The following LRRC4C variants were observed in gnomAD, a reference collection of about 807,000 sequenced individuals.
LRRC4C encodes leucine rich repeat containing 4C, also known as leucine-rich repeat-containing protein 4C.
A neutral mutation model predicts 33.6 loss-of-function variants in LRRC4C; 5 were observed. The observed-to-expected ratio is 0.15, with a 90% confidence interval of 0.08 to 0.31. The LOEUF (loss-of-function observed/expected upper bound fraction) is 0.31, where lower values mean the gene tolerates loss of function less well. Ranked by LOEUF, LRRC4C falls within the 10% of genes least tolerant of loss-of-function variation. The pLI is 1.00. For synonymous variants in LRRC4C, 329 were observed against 302.0 expected (o/e 1.09, Z -0.93); for missense variants, 560 against 796.7 (o/e 0.70, Z 3.58).
At chr11:41,253,649 C>A (rs962258118) in intron 1 of LRRC4C, among the ~76,000 whole-genome samples, 3 of 152,114 alleles carry the variant, frequency 2.0e-5, no homozygotes, top group Non-Finnish European at 4.4e-5. Flanking sequence ...CCTAATAGCA[C>A]AGTTCCAAAT....
intron 3 of LRRC4C, among the ~76,000 whole-genome samples, chr11:40,509,360 G>T (rs1955191893): frequency 1.3e-5 from 2 of 151,938 alleles, no homozygotes; most frequent in Admixed American, 1.3e-4. Flanking sequence ...AATTTAAATG[G>T]TAAGATCATG....
At chr11:40,439,322 T>C (rs1951285495) in intron 3 of LRRC4C, among the ~76,000 whole-genome samples, 1 of 152,092 alleles carries the variant, frequency 6.6e-6, no homozygotes. Flanking sequence ...GCTCAGAATG[T>C]ATGTGCTGTG....
chr11:40,256,958 A>T (rs1372890443), intron 4 of LRRC4C, among the ~76,000 whole-genome samples: 1 of 152,248 alleles, frequency 6.6e-6, no homozygotes, highest in Non-Finnish European at 1.5e-5. Flanking sequence ...TGTTTCTGCC[A>T]ATCAACTCCT....
chr11:41,176,247 G>A (rs1374146291), intron 1 of LRRC4C, among the ~76,000 whole-genome samples: 1 of 152,056 alleles, frequency 6.6e-6, no homozygotes, highest in Admixed American at 6.6e-5. Flanking sequence ...CATTTTAGTA[G>A]ACTCATGGAA....
intron 1 of LRRC4C, among the ~76,000 whole-genome samples, chr11:41,055,381 G>T (rs1858545475): frequency 6.6e-6 from 1 of 152,104 alleles, no homozygotes; most frequent in East Asian, 1.9e-4. Context: ...TAAACATGGA[G>T]ATTAGTATGG....
At chr11:40,935,504 G>A (rs1301504095) in intron 1 of LRRC4C, among the ~76,000 whole-genome samples, 2 of 151,930 alleles carry the variant, frequency 1.3e-5, no homozygotes, top group East Asian at 3.9e-4. Context: ...TCTATGTTTA[G>A]GTATTTTTAG....
intron 3 of LRRC4C, among the ~76,000 whole-genome samples, chr11:40,530,826 G>T (rs1956242568): frequency 6.6e-6 from 1 of 152,098 alleles, no homozygotes; most frequent in African/African-American, 2.4e-5. Flanking sequence ...AAAGCTTGGA[G>T]AAAGTTTCAT....
chr11:41,396,889 C>T (rs933566595), intron 1 of LRRC4C, among the ~76,000 whole-genome samples: 1 of 152,122 alleles, frequency 6.6e-6, no homozygotes, highest in Non-Finnish European at 1.5e-5. Flanking sequence ...AAGAAACTAT[C>T]AACAGAGTAA....
rs116214423 is a variant in LRRC4C at position 41,333,788 on chromosome 11, A to T, written c.-496+125643T>A. Among the ~76,000 whole-genome samples the T allele has an allele frequency of 6.9e-3, 1,051 of 152,336 alleles. 15 individuals carry two copies. The highest frequency in any genetic ancestry group is 0.024 in the African/African-American group (990 of 41,580). On this transcript the variant is annotated intron_variant, in intron 1 of 6. Transcript: ENST00000528697. ...AAATTTATTTTTACACATCATCATT[A>T]ATCTGCTTTTCTTTGGTTGGTAGCA... is the stretch of plus-strand genomic sequence containing the variant.
intron 1 of LRRC4C, among the ~76,000 whole-genome samples, chr11:41,073,478 G>A (rs1439176859): frequency 6.6e-6 from 1 of 152,050 alleles, no homozygotes; most frequent in African/African-American, 2.4e-5. Flanking sequence ...ACCACACTGG[G>A]GATTAAATTT....
intron 1 of LRRC4C, among the ~76,000 whole-genome samples, chr11:41,245,042 G>A (rs1302103312): frequency 1.3e-5 from 2 of 152,152 alleles, no homozygotes; most frequent in Non-Finnish European, 2.9e-5. Flanking sequence ...CCTAATCAGT[G>A]CATCCTCTCC....
At chr11:40,525,982 G>A (rs1956032030) in intron 3 of LRRC4C, among the ~76,000 whole-genome samples, 1 of 151,994 alleles carries the variant, frequency 6.6e-6, no homozygotes, top group Non-Finnish European at 1.5e-5. Context: ...CAGTACTTCA[G>A]GGAAAGGCTT....
chr11:40,255,315 A>C (rs1168667685), intron 4 of LRRC4C, among the ~76,000 whole-genome samples: 1 of 152,140 alleles, frequency 6.6e-6, no homozygotes, highest in Non-Finnish European at 1.5e-5. Context: ...GGAAACAACA[A>C]AAGCAAAAAC....
At chr11:41,072,489 A>G (rs1375383977) in intron 1 of LRRC4C, among the ~76,000 whole-genome samples, 2 of 151,864 alleles carry the variant, frequency 1.3e-5, no homozygotes, top group Non-Finnish European at 2.9e-5. Context: ...ATGGTTGTTT[A>G]ATAGTCTATA....
rs537855201 is a variant in LRRC4C at position 40,538,989 on chromosome 11, G to GT, written c.-270+109152dup. ...CCTTTGCCCACTTTTTGATGGGGTT[G>GT]TTTTTTTCTTGTAAATTTGTTTGAG... On this transcript the variant is annotated intron_variant, in intron 3 of 6. Coordinates refer to ENST00000528697, the MANE Select transcript of LRRC4C (RefSeq NM_001258419.2). 2.3e-3 allele frequency among the ~76,000 whole-genome samples: 351 copies of GT among 152,114 alleles called. 1 individual carries two copies. Among genetic ancestry groups the GT allele is most frequent in the Non-Finnish European group, 3.9e-3 (262 of 67,986 alleles).
chr11:40,550,161 C>G (rs191807301), intron 3 of LRRC4C, among the ~76,000 whole-genome samples: 1 of 152,210 alleles, frequency 6.6e-6, no homozygotes, highest in African/African-American at 2.4e-5. Flanking sequence ...CAAGCATATT[C>G]ACTCTCAATT....
intron 2 of LRRC4C, among the ~76,000 whole-genome samples, chr11:40,880,240 C>T (rs747974496): frequency 6.6e-6 from 1 of 152,028 alleles, no homozygotes; most frequent in Non-Finnish European, 1.5e-5. Context: ...TACCAATAAG[C>T]TGAGTCCAGT....
chr11:40,576,667 A>G (rs1349636491), intron 3 of LRRC4C, among the ~76,000 whole-genome samples: 4 of 152,106 alleles, frequency 2.6e-5, no homozygotes, highest in Non-Finnish European at 5.9e-5. Flanking sequence ...TTCTTTCCCT[A>G]CGTTGGTAGC....
At chr11:41,396,981 T>C (rs1953843749) in intron 1 of LRRC4C, among the ~76,000 whole-genome samples, 1 of 152,040 alleles carries the variant, frequency 6.6e-6, no homozygotes, top group Non-Finnish European at 1.5e-5. Flanking sequence ...CATTAGTGCA[T>C]TCCATTCTCC....
Sources: allele counts gnomAD v4.1 joint callset (sites outside exome capture counted in the v4.1 genomes callset), GRCh38; gene constraint gnomAD v4.1.1; transcripts MANE v1.5; gene names NCBI Gene and HGNC (gene_info 2026-07-23, HGNC 2026-07-21).